Variants in RGS9 observed in about 807,000 individuals in gnomAD.
RGS9 encodes the protein regulator of G-protein signalling 9.
RGS9 carries 78 observed loss-of-function variants against 102.0 expected under a neutral mutation model. The observed-to-expected ratio is 0.76, with a 90% confidence interval of 0.64 to 0.92. The LOEUF (loss-of-function observed/expected upper bound fraction) is 0.92, where lower values mean the gene tolerates loss of function less well. RGS9 is among the 40% of genes least tolerant of loss of function. The pLI is 0.00. For synonymous variants in RGS9, 353 were observed against 318.6 expected (o/e 1.11, Z -1.15); for missense variants, 833 against 866.1 (o/e 0.96, Z 0.48).
Position 65,137,393 on chromosome 17 carries a change from C to T in RGS9, c.-148C>T, listed in dbSNP as rs1478051779. ...CAAGTCAGCGGCGCCTAGTGAGAGT[C>T]AGGGGGGCCCGGCCCGCGCCCTCCC... On this transcript the variant is annotated 5_prime_UTR_variant, in exon 1 of 19. Coordinates refer to ENST00000262406, the MANE Select transcript of RGS9 (RefSeq NM_003835.4). The T allele has an allele frequency of 6.6e-6, 5 of 752,540 alleles. No individual in the cohort carries two copies. Among genetic ancestry groups the T allele is most frequent in the Non-Finnish European group, 1.2e-5 (5 of 433,492 alleles). The allele number at this position is 752,540 out of a possible 1,614,324, so 46.6% of individuals were successfully genotyped here. A position where few individuals can be genotyped will look rare whatever the true frequency, so the allele number is the denominator to read the frequency against.
intron 8 of RGS9, among the ~76,000 whole-genome samples, chr17:65,174,407 G>C (rs150698032): frequency 6.6e-6 from 1 of 152,064 alleles, no homozygotes; most frequent in Non-Finnish European, 1.5e-5. Flanking sequence ...GCATGTATGT[G>C]AGTGAGTGTG....
At chr17:65,167,039 T>C (rs1911212632) in intron 7 of RGS9, among the ~76,000 whole-genome samples, 1 of 152,044 alleles carries the variant, frequency 6.6e-6, no homozygotes, top group South Asian at 2.1e-4. Flanking sequence ...CATTAACAAG[T>C]GTGAGCGCGG....
chr17:65,138,707 G>A (rs1910009099), intron 1 of RGS9, among the ~76,000 whole-genome samples: 1 of 152,112 alleles, frequency 6.6e-6, no homozygotes, highest in South Asian at 2.1e-4. Flanking sequence ...GCCTAAGTCG[G>A]CTATCTCAAA....
intron 10 of RGS9, 90 bp downstream of exon 10, chr17:65,189,405 A>G (rs909380922): frequency 1.0e-6 from 1 of 978,950 alleles, no homozygotes; most frequent in Non-Finnish European, 1.7e-6. Flanking sequence ...CTTGGTAATG[A>G]AATGAAAACC....
At chr17:65,152,148 G>T (rs995341083) in intron 1 of RGS9, among the ~76,000 whole-genome samples, 1 of 152,228 alleles carries the variant, frequency 6.6e-6, no homozygotes, top group Non-Finnish European at 1.5e-5. Context: ...GGCCTCCTGA[G>T]ACCATCAGAA....
At chr17:65,147,811 G>A (rs1216854207) in intron 1 of RGS9, among the ~76,000 whole-genome samples, 2 of 151,652 alleles carry the variant, frequency 1.3e-5, no homozygotes, top group Non-Finnish European at 2.9e-5. Context: ...GGCTGGTGTC[G>A]AACTCCTGCC....
At position 65,215,474 on chromosome 17, in the gene RGS9, CTCTATCTTTCTTTCGTTCTTTCGT is replaced by C. The variant is rs1160340393; in HGVS notation, c.1407+4873_1407+4896del. Among the ~76,000 whole-genome samples the C allele has an allele frequency of 1.6e-3, 222 of 137,110 alleles. 3 individuals carry two copies. Among genetic ancestry groups the C allele is most frequent in the African/African-American group, 5.2e-3 (160 of 30,920 alleles). 89.9% of individuals were successfully genotyped at this position (137,110 alleles called of 152,430 possible). On this transcript the variant is annotated intron_variant, in intron 17 of 18. Transcript: ENST00000262406. ...GGAGTTTCTCTTTCTTTCTTTCTTT[CTCTATCTTTCTTTCGTTCTTTCGT>C]TCTTTCTTTCTTTCTTTCTTTCTTT... is the stretch of plus-strand genomic sequence containing the variant.
chr17:65,145,458 G>A (rs1033299418), intron 1 of RGS9, among the ~76,000 whole-genome samples: 2 of 151,644 alleles, frequency 1.3e-5, no homozygotes, highest in Non-Finnish European at 1.5e-5. Flanking sequence ...GCTTGATATC[G>A]TCTCAGTGCA....
intron 1 of RGS9, among the ~76,000 whole-genome samples, chr17:65,142,921 T>G (rs990186418): frequency 2.6e-5 from 4 of 152,040 alleles, no homozygotes; most frequent in African/African-American, 9.7e-5. Context: ...TTTTTTCTTT[T>G]TTAACAATTT....
At chr17:65,200,718 C>A (rs1912798224) in intron 13 of RGS9, among the ~76,000 whole-genome samples, 1 of 152,132 alleles carries the variant, frequency 6.6e-6, no homozygotes, top group African/African-American at 2.4e-5. Context: ...CCTTGACCAA[C>A]ACTGGTTTGA....
intron 15 of RGS9, among the ~76,000 whole-genome samples, chr17:65,205,840 GAT>G (rs1241365542): frequency 1.3e-5 from 2 of 151,786 alleles, no homozygotes; most frequent in African/African-American, 4.8e-5. Context: ...TAGGTTATGT[GAT>G]ATTGGTTATG....
chr17:65,206,198 A>G (rs1913057921), intron 15 of RGS9, among the ~76,000 whole-genome samples: 1 of 152,148 alleles, frequency 6.6e-6, no homozygotes. Flanking sequence ...TTGTTTTTAA[A>G]GCATGTAATA....
At chr17:65,149,136 T>G (rs551991790) in intron 1 of RGS9, among the ~76,000 whole-genome samples, 110 of 146,528 alleles carry the variant, frequency 7.5e-4, no homozygotes, top group Non-Finnish European at 4.9e-4. Flanking sequence ...TAGTTTTTTT[T>G]TTGTTGTTGT....
chr17:65,180,531 G>A (rs780111772), intron 9 of RGS9, among the ~76,000 whole-genome samples: 2 of 152,030 alleles, frequency 1.3e-5, no homozygotes, highest in African/African-American at 4.8e-5. Context: ...CATATTTTTA[G>A]TACAGACGGA....
At chr17:65,211,063 C>G (rs1315969461) in intron 17 of RGS9, among the ~76,000 whole-genome samples, 10 of 152,152 alleles carry the variant, frequency 6.6e-5, no homozygotes, top group Admixed American at 6.5e-4. Context: ...CCACTCTCTG[C>G]TTTGGAAAAT....
chr17:65,213,806 T>C (rs751154356), intron 17 of RGS9, among the ~76,000 whole-genome samples: 3 of 152,100 alleles, frequency 2.0e-5, no homozygotes, highest in Non-Finnish European at 4.4e-5. Flanking sequence ...CACAATCTAA[T>C]GAGAGACACA....
At chr17:65,137,650 G>A in intron 1 of RGS9, 53 bp downstream of exon 1, 4 of 1,583,204 alleles carry the variant, frequency 2.5e-6, no homozygotes, top group Non-Finnish European at 3.5e-6. Flanking sequence ...GACCGCATCT[G>A]CGAAGCGTCC....
At chr17:65,201,653 G>A (rs1912850918) in intron 13 of RGS9, among the ~76,000 whole-genome samples, 1 of 152,172 alleles carries the variant, frequency 6.6e-6, no homozygotes, top group Non-Finnish European at 1.5e-5. Flanking sequence ...TATGAACTCT[G>A]GCCTGTGTAT....
At position 65,159,112 on chromosome 17, in the gene RGS9, C is replaced by T. The variant is rs560779590; in HGVS notation, c.205+767C>T. Among the ~76,000 whole-genome samples, 24 of 152,270 alleles carry T rather than the reference C, an allele frequency of 1.6e-4. No homozygotes were observed. The Middle Eastern group carries it at 0.014, about 86-fold the overall frequency. On this transcript the variant is annotated intron_variant, in intron 3 of 18. Transcript: ENST00000262406. ...TACCTTGTGAAATTCCTTCTCCTGG[C>T]TCATCCTGGCTCAAAAAGCTCCCCC...
Sources: gnomAD v4.1 joint callset for allele counts (sites outside exome capture counted in the v4.1 genomes callset) on GRCh38, gnomAD v4.1.1 for gene constraint, MANE v1.5 for transcripts, NCBI Gene and HGNC (gene_info 2026-07-23, HGNC 2026-07-21) for gene names.